SOX5: variants seen among roughly 807,000 people sequenced by gnomAD.
SOX5 encodes SRY-box transcription factor 5, also known as transcription factor SOX-5.
In SOX5, 9 loss-of-function variants were observed where a neutral mutation model predicts 92.0. That is an observed-to-expected ratio of 0.10 (90% CI 0.06 to 0.17). SOX5 has a LOEUF of 0.17. SOX5 is among the 10% of genes least tolerant of loss of function. The probability of loss-of-function intolerance (pLI) is 1.00; values close to 1 mark genes in which losing one functional copy is unlikely to be tolerated. For synonymous variants in SOX5, 344 were observed against 336.3 expected (o/e 1.02, Z -0.25); for missense variants, 642 against 944.5 (o/e 0.68, Z 4.20).
intron 1 of SOX5, among the ~76,000 whole-genome samples, chr12:24,401,197 C>G (rs1961465719): frequency 6.6e-6 from 1 of 151,696 alleles, no homozygotes; most frequent in Non-Finnish European, 1.5e-5. Context: ...AATATGAATA[C>G]AAAAATTAGC....
intron 3 of SOX5, among the ~76,000 whole-genome samples, chr12:24,221,953 G>T (rs1486307561): frequency 6.6e-6 from 1 of 152,228 alleles, no homozygotes; most frequent in Non-Finnish European, 1.5e-5. Context: ...GTAATAGGAA[G>T]TGAGGTCAGA....
intron 1 of SOX5, among the ~76,000 whole-genome samples, chr12:24,514,267 G>A (rs868145993): frequency 6.6e-6 from 1 of 152,128 alleles, no homozygotes; most frequent in South Asian, 2.1e-4. Context: ...TGTGAATGCA[G>A]AATCCTGACA....
rs182593489 is a variant in SOX5 at position 24,338,819 on chromosome 12, G to C, written c.-174+29744C>G. Reference sequence around the variant, plus strand: ...CTACCACCACGTAAGATGTGGCTTTGCTCCTCCTTCGCCTTCCATCATGAT... The same window carrying C: ...CTACCACCACGTAAGATGTGGCTTTCCTCCTCCTTCGCCTTCCATCATGAT... On this transcript the variant is annotated intron_variant, in intron 2 of 4. Coordinates refer to the SOX5 transcript ENST00000446891. Among the ~76,000 whole-genome samples the C allele has an allele frequency of 4.6e-3, 695 of 152,218 alleles. 5 individuals carry two copies. The highest frequency in any genetic ancestry group is 0.016 in the African/African-American group (673 of 41,524).
At chr12:24,509,857 G>A (rs1346536659) in intron 1 of SOX5, among the ~76,000 whole-genome samples, 2 of 152,136 alleles carry the variant, frequency 1.3e-5, no homozygotes, top group African/African-American at 4.8e-5. Context: ...AATAATTTCA[G>A]ACAGATCACA....
chr12:23,604,179 C>T (rs963786921), intron 9 of SOX5: 18 of 513,688 alleles, frequency 3.5e-5, no homozygotes, highest in African/African-American at 2.9e-4. Flanking sequence ...CTATAGTTAT[C>T]GATACACGCA....
chr12:23,863,127 A>T (rs1193244069), intron 2 of SOX5, among the ~76,000 whole-genome samples: 1 of 152,142 alleles, frequency 6.6e-6, no homozygotes, highest in Non-Finnish European at 1.5e-5. Flanking sequence ...GAATACTGCG[A>T]ATTTTTCATT....
chr12:23,774,703 A>C (rs1335232310), intron 3 of SOX5, among the ~76,000 whole-genome samples: 2 of 152,184 alleles, frequency 1.3e-5, no homozygotes, highest in Non-Finnish European at 2.9e-5. Flanking sequence ...CACCCTAAGC[A>C]AAAGAGCAAT....
At chr12:24,544,937 A>G (rs1597799928) in intron 1 of SOX5, among the ~76,000 whole-genome samples, 1 of 152,218 alleles carries the variant, frequency 6.6e-6, no homozygotes, top group South Asian at 2.1e-4. Flanking sequence ...TTCTGATTTT[A>G]TAGATATTCT....
chr12:23,574,263 A>G (rs1404658638), intron 10 of SOX5, among the ~76,000 whole-genome samples: 1 of 152,118 alleles, frequency 6.6e-6, no homozygotes, highest in Non-Finnish European at 1.5e-5. Flanking sequence ...AATAATTTCC[A>G]TATCTAAAAT....
At chr12:23,985,002 A>G (rs1949927383) in intron 4 of SOX5, among the ~76,000 whole-genome samples, 1 of 152,166 alleles carries the variant, frequency 6.6e-6, no homozygotes, top group South Asian at 2.1e-4. Context: ...CTGGCAGCTT[A>G]GCGTTCCAAT....
At chr12:23,765,479 A>C (rs902259402) in intron 3 of SOX5, among the ~76,000 whole-genome samples, 1 of 151,592 alleles carries the variant, frequency 6.6e-6, no homozygotes, top group Non-Finnish European at 1.5e-5. Context: ...GAAGCAAACA[A>C]TCAGCAACAA....
At chr12:23,788,202 G>A (rs2095414373) in intron 3 of SOX5, among the ~76,000 whole-genome samples, 1 of 151,846 alleles carries the variant, frequency 6.6e-6, no homozygotes, top group African/African-American at 2.4e-5. Flanking sequence ...AGAAAAAGAA[G>A]GACTTGGAAA....
At chr12:23,860,665 C>G (rs2096744700) in intron 2 of SOX5, among the ~76,000 whole-genome samples, 2 of 152,148 alleles carry the variant, frequency 1.3e-5, no homozygotes, top group Admixed American at 6.5e-5. Flanking sequence ...TATGGAACAT[C>G]TAAAGGTAGA....
intron 10 of SOX5, among the ~76,000 whole-genome samples, chr12:23,567,510 G>C (rs1189161396): frequency 6.9e-6 from 1 of 144,886 alleles, no homozygotes; most frequent in Non-Finnish European, 1.5e-5. Flanking sequence ...ACCCAGGCTG[G>C]AGTGCAGTGG....
intron 4 of SOX5, among the ~76,000 whole-genome samples, chr12:23,980,520 A>G (rs1949474853): frequency 6.6e-6 from 1 of 152,210 alleles, no homozygotes; most frequent in African/African-American, 2.4e-5. Context: ...TAACATCAAC[A>G]AAGAATCCTG....
intron 1 of SOX5, among the ~76,000 whole-genome samples, chr12:24,535,116 C>G (rs1951523710): frequency 6.6e-6 from 1 of 152,176 alleles, no homozygotes; most frequent in Non-Finnish European, 1.5e-5. Flanking sequence ...ACCTCCATCA[C>G]TGAATTCTAA....
At chr12:24,119,586 G>T (rs893190954) in intron 4 of SOX5, among the ~76,000 whole-genome samples, 1 of 151,898 alleles carries the variant, frequency 6.6e-6, no homozygotes, top group African/African-American at 2.4e-5. Flanking sequence ...ACTAAAATAG[G>T]TAATAAGATA....
intron 1 of SOX5, among the ~76,000 whole-genome samples, chr12:24,408,496 C>T (rs981291811): frequency 2.6e-5 from 4 of 152,118 alleles, no homozygotes; most frequent in Non-Finnish European, 1.5e-5. Flanking sequence ...TCCAACACCA[C>T]AAAAATCCCT....
At chr12:24,440,627 TGTGTGTGTGTGTGA>T (rs771363569) in intron 1 of SOX5, among the ~76,000 whole-genome samples, 1,486 of 127,480 alleles carry the variant, frequency 0.012, 16 homozygotes, top group Non-Finnish European at 0.02. Context: ...TGTGTGTGTG[TGTGTGTGTGTGTGA>T]AGAACAGAAG....
Sources: allele counts gnomAD v4.1 joint callset (sites outside exome capture counted in the v4.1 genomes callset), GRCh38; gene constraint gnomAD v4.1.1; transcripts MANE v1.5; gene names NCBI Gene and HGNC (gene_info 2026-07-23, HGNC 2026-07-21).